CEP112: variants seen among roughly 807,000 people sequenced by gnomAD.
CEP112 encodes centrosomal protein 112.
In CEP112, 127 loss-of-function variants were observed where a neutral mutation model predicts 153.0. The ratio of observed to expected loss-of-function variants is 0.83; its 90% CI spans 0.72 to 0.96. The LOEUF is 0.96. CEP112 is among the 40% of genes least tolerant of loss of function. The pLI is 0.00. For synonymous variants in CEP112, 358 were observed against 374.4 expected (o/e 0.96, Z 0.51); for missense variants, 1,089 against 1,101.2 (o/e 0.99, Z 0.16).
chr17:65,956,934 T>C (rs2062023007), intron 18 of CEP112, among the ~76,000 whole-genome samples: 1 of 152,140 alleles, frequency 6.6e-6, no homozygotes, highest in African/African-American at 2.4e-5. Flanking sequence ...ATATGCACTA[T>C]GGTTTTTGCT....
intron 8 of CEP112, among the ~76,000 whole-genome samples, chr17:66,072,960 T>C (rs1295978773): frequency 1.3e-5 from 2 of 152,194 alleles, no homozygotes; most frequent in East Asian, 1.9e-4. Flanking sequence ...GATGTAGATA[T>C]AAATATAGAT....
At chr17:65,717,064 C>G (rs550795856) in intron 23 of CEP112, among the ~76,000 whole-genome samples, 2 of 152,240 alleles carry the variant, frequency 1.3e-5, no homozygotes, top group Non-Finnish European at 2.9e-5. Flanking sequence ...ACATTCTCAG[C>G]TGCAATAAAA....
intron 23 of CEP112, among the ~76,000 whole-genome samples, chr17:65,731,825 C>T (rs1417711456): frequency 6.6e-6 from 1 of 152,204 alleles, no homozygotes; most frequent in African/African-American, 2.4e-5. Context: ...ACTCTTCATT[C>T]AAGTTTGGTC....
chr17:66,156,876 T>C (rs537990777), intron 4 of CEP112, among the ~76,000 whole-genome samples: 2 of 152,260 alleles, frequency 1.3e-5, no homozygotes, highest in East Asian at 3.9e-4. Context: ...TATGGGACTA[T>C]GTGAAAAGAC....
chr17:65,822,251 T>A (rs1169057169), intron 21 of CEP112, among the ~76,000 whole-genome samples: 7 of 148,804 alleles, frequency 4.7e-5, no homozygotes, highest in African/African-American at 1.7e-4. Flanking sequence ...ATTGTTGTTA[T>A]AAAAAAAAAA....
intron 16 of CEP112, among the ~76,000 whole-genome samples, chr17:66,011,693 T>C (rs952914912): frequency 6.6e-6 from 1 of 152,274 alleles, no homozygotes; most frequent in East Asian, 1.9e-4. Flanking sequence ...TATATTCTGT[T>C]GTTTTGGGTA....
intron 6 of CEP112, among the ~76,000 whole-genome samples, chr17:66,098,498 A>G (rs1290880271): frequency 1.3e-5 from 2 of 152,230 alleles, no homozygotes; most frequent in African/African-American, 4.8e-5. Context: ...CAATTTGACA[A>G]TAAAGATAAC....
chr17:66,013,356 A>G (rs564631695), intron 16 of CEP112, among the ~76,000 whole-genome samples: 1 of 152,002 alleles, frequency 6.6e-6, no homozygotes, highest in South Asian at 2.1e-4. Context: ...TGTCCCTTCA[A>G]CCTTTGAAGT....
intron 17 of CEP112, among the ~76,000 whole-genome samples, chr17:65,997,800 CA>C (rs1305449429): frequency 1.1e-3 from 153 of 142,202 alleles, no homozygotes; most frequent in Middle Eastern, 3.7e-3. Flanking sequence ...TCCCCCCCCC[CA>C]CACACACACA....
rs1220137797 is a variant in CEP112, at chr17:66,053,866, A to G, written c.1088T>C (p.Val363Ala). The G allele has an allele frequency of 7.4e-6, 12 of 1,612,362 alleles. No individual in the cohort carries two copies. The highest frequency in any genetic ancestry group is 1.0e-5 in the Non-Finnish European group (12 of 1,179,032). ...AAACTTTTCCTGTTCCATTTCTGCT[A>G]CAGCATTGTGAAGCTACATCAGGAA... ...NDWEKKLHNA[V>A]AEMEQEKFDL... is the part of the protein sequence containing the mutation. Residue 363 changes from valine to alanine, a missense_variant, in exon 12 of 27, where the codon GTA becomes GCA. Transcript: ENST00000535342.
intron 18 of CEP112, among the ~76,000 whole-genome samples, chr17:65,949,949 A>G (rs1045992231): frequency 6.6e-6 from 1 of 152,120 alleles, no homozygotes; most frequent in African/African-American, 2.4e-5. Flanking sequence ...ATTTTTGGAC[A>G]TGTATTTTCT....
At chr17:65,835,195 A>T (rs1043144668) in intron 21 of CEP112, among the ~76,000 whole-genome samples, 2 of 75,798 alleles carry the variant, frequency 2.6e-5, no homozygotes, top group Admixed American at 1.2e-4. Context: ...AATAAAAGTA[A>T]AAAAAAAAAA....
intron 1 of CEP112, among the ~76,000 whole-genome samples, chr17:66,186,218 G>C (rs1326725152): frequency 1.3e-5 from 2 of 152,086 alleles, no homozygotes; most frequent in African/African-American, 4.8e-5. Flanking sequence ...TGACTACCAT[G>C]TACTCCCCTT....
chr17:66,114,328 T>G (rs2146399748), intron 6 of CEP112, among the ~76,000 whole-genome samples: 1 of 152,334 alleles, frequency 6.6e-6, no homozygotes, highest in South Asian at 2.1e-4. Flanking sequence ...TCTGTCCACT[T>G]GTTTTTTAAA....
rs542212283 is a variant in CEP112 at position 65,773,314 on chromosome 17, C to A, written c.2395-22590G>T. On this transcript the variant is annotated intron_variant, in intron 21 of 26. Coordinates refer to ENST00000535342, the MANE Select transcript of CEP112 (RefSeq NM_001199165.4). The stretch of plus-strand genomic sequence containing the variant: ...ATTAGTTCAAGAAATATTTACTGAG[C>A]TCCTTGGTGACTACCCAGTCTTTCC... Among the ~76,000 whole-genome samples the A allele has an allele frequency of 2.0e-5, 3 of 152,316 alleles. No individual in the cohort carries two copies. In the East Asian group the frequency reaches 5.8e-4, roughly 29 times the overall value.
intron 4 of CEP112, among the ~76,000 whole-genome samples, chr17:66,145,879 C>T (rs1472570712): frequency 6.6e-6 from 1 of 151,820 alleles, no homozygotes; most frequent in Admixed American, 6.6e-5. Context: ...AGTGTTGCAT[C>T]TTGTTATATG....
rs779968078 is a variant in CEP112 at position 66,082,762 on chromosome 17, C to CA, written c.769-12762dup. On this transcript the variant is annotated intron_variant, in intron 8 of 26. Transcript: ENST00000535342. ...TGGGCGACAGAGCGAGACTCTGTCT[C>CA]AAAAAAAAAAAAAAATTTTTATATG... 2.2e-3 allele frequency among the ~76,000 whole-genome samples: 218 copies of CA among 100,400 alleles called. 1 individual carries two copies. The highest frequency in any genetic ancestry group is 1.9e-3 in the Non-Finnish European group (90 of 47,864). 65.9% of individuals were successfully genotyped at this position (100,400 alleles called of 152,430 possible).
chr17:65,784,145 A>ATGCAAGG (rs568916758), intron 21 of CEP112, among the ~76,000 whole-genome samples: 6 of 152,236 alleles, frequency 3.9e-5, no homozygotes, highest in Non-Finnish European at 5.9e-5. Flanking sequence ...GAAAAATAAA[A>ATGCAAGG]TGCAAGGCAA....
At chr17:65,668,307 A>C (rs2046801480) in intron 24 of CEP112, among the ~76,000 whole-genome samples, 1 of 152,190 alleles carries the variant, frequency 6.6e-6, no homozygotes, top group South Asian at 2.1e-4. Flanking sequence ...CATCGAAAAC[A>C]TCTCTGCCCT....
Sources: allele counts gnomAD v4.1 joint callset (sites outside exome capture counted in the v4.1 genomes callset), GRCh38; gene constraint gnomAD v4.1.1; transcripts MANE v1.5; gene names NCBI Gene and HGNC (gene_info 2026-07-23, HGNC 2026-07-21).